Variants in ST8SIA6 observed in about 807,000 individuals in gnomAD.
ST8SIA6 encodes the protein ST8 alpha-N-acetyl-neuraminide alpha-2,8-sialyltransferase 6.
A neutral mutation model predicts 33.6 loss-of-function variants in ST8SIA6; 39 were observed. The observed-to-expected ratio is 1.16, with a 90% CI of 0.90 to 1.52. The LOEUF (loss-of-function observed/expected upper bound fraction) is 1.52. Ranked by LOEUF, ST8SIA6 falls within the 40% of genes most tolerant of loss-of-function variation. ST8SIA6 has a pLI of 0.00. For missense variants in ST8SIA6, 441 were observed against 443.8 expected (o/e 0.99, Z 0.06); for synonymous variants, 172 against 167.2 (o/e 1.03, Z -0.22).
chr10:17,344,189 G>A (rs942712800), intron 4 of ST8SIA6, among the ~76,000 whole-genome samples: 1 of 152,206 alleles, frequency 6.6e-6, no homozygotes, highest in Admixed American at 6.5e-5. Context: ...GATGCACAGA[G>A]GGGGAAAAGT....
At chr10:17,335,746 A>G (rs1848478957) in intron 4 of ST8SIA6, among the ~76,000 whole-genome samples, 1 of 152,318 alleles carries the variant, frequency 6.6e-6, no homozygotes, top group East Asian at 1.9e-4. Context: ...AATTTGTGTG[A>G]CATATTGCAA....
intron 2 of ST8SIA6, among the ~76,000 whole-genome samples, chr10:17,402,145 A>C (rs994173397): frequency 6.6e-6 from 1 of 152,260 alleles, no homozygotes; most frequent in Admixed American, 6.5e-5. Context: ...TCTCAAAAGA[A>C]GACATTTATG....
intron 2 of ST8SIA6, among the ~76,000 whole-genome samples, chr10:17,437,034 T>C (rs1341641814): frequency 6.6e-6 from 1 of 152,228 alleles, no homozygotes; most frequent in African/African-American, 2.4e-5. Flanking sequence ...ACTCCCAACC[T>C]TCTCTTTGTT....
intron 2 of ST8SIA6, among the ~76,000 whole-genome samples, chr10:17,441,589 G>A (rs950498049): frequency 2.0e-5 from 3 of 152,052 alleles, no homozygotes; most frequent in African/African-American, 4.8e-5. Context: ...GATTACAGGC[G>A]TGCACCACTG....
intron 2 of ST8SIA6, 87 bp downstream of exon 2, chr10:17,453,472 C>G: frequency 9.3e-7 from 1 of 1,073,502 alleles, no homozygotes; most frequent in East Asian, 3.2e-5. Flanking sequence ...CTGCCTACTC[C>G]CAACGAGTCC....
chr10:17,453,417 C>CT, intron 2 of ST8SIA6, 142 bp downstream of exon 2: 1 of 566,622 alleles, frequency 1.8e-6, no homozygotes, highest in Non-Finnish European at 2.6e-6. Flanking sequence ...CCCGCGCCCT[C>CT]TTCAAACACA....
intron 2 of ST8SIA6, among the ~76,000 whole-genome samples, chr10:17,450,886 A>G (rs946084054): frequency 6.6e-6 from 1 of 151,484 alleles, no homozygotes; most frequent in Non-Finnish European, 1.5e-5. Context: ...ATATTTGAAC[A>G]CACACACACA....
chr10:17,330,244 G>T (rs1848252987), intron 5 of ST8SIA6, among the ~76,000 whole-genome samples: 1 of 152,174 alleles, frequency 6.6e-6, no homozygotes, highest in Non-Finnish European at 1.5e-5. Context: ...TGCCAAATGA[G>T]GGTAAAGCAG....
chr10:17,405,884 CAAAAAAA>C (rs10546412), intron 2 of ST8SIA6, among the ~76,000 whole-genome samples: 7,919 of 85,410 alleles, frequency 0.093, 720 homozygotes, highest in African/African-American at 0.26. Context: ...GACTCCATTT[CAAAAAAA>C]AAAAAAAAAA....
intron 3 of ST8SIA6, among the ~76,000 whole-genome samples, chr10:17,372,557 C>T (rs1335944514): frequency 2.0e-5 from 3 of 152,130 alleles, no homozygotes; most frequent in Admixed American, 1.3e-4. Context: ...GAAGAAATAT[C>T]GCAAGAACTA....
intron 2 of ST8SIA6, among the ~76,000 whole-genome samples, chr10:17,421,267 A>G (rs1224640528): frequency 6.6e-6 from 1 of 152,162 alleles, no homozygotes; most frequent in African/African-American, 2.4e-5. Context: ...TTGCAACTGC[A>G]TTAGGATCTA....
chr10:17,356,369 A>G lies in ST8SIA6; in HGVS notation c.377+3145T>C, dbSNP rs576493478. 3.1e-4 allele frequency among the ~76,000 whole-genome samples: 47 copies of G among 151,396 alleles called. No homozygotes were observed. In the East Asian group the frequency reaches 8.1e-3, roughly 26 times the overall value. Reference sequence around the variant, plus strand: ...GTTCTCTTCTATGACAACAAAATGTATTATAGCCCCAGAGGTTTACTTTTT... The same window carrying G: ...GTTCTCTTCTATGACAACAAAATGTGTTATAGCCCCAGAGGTTTACTTTTT... On this transcript the variant is annotated intron_variant, in intron 4 of 7. Coordinates refer to ENST00000377602, the MANE Select transcript of ST8SIA6 (RefSeq NM_001004470.3).
intron 2 of ST8SIA6, among the ~76,000 whole-genome samples, chr10:17,415,834 G>A (rs540474498): frequency 3.5e-5 from 4 of 115,516 alleles, no homozygotes; most frequent in Non-Finnish European, 6.6e-5. Context: ...TTTTGAGACA[G>A]AATCCTGCTC....
intron 3 of ST8SIA6, among the ~76,000 whole-genome samples, chr10:17,382,247 A>G (rs961394755): frequency 7.1e-6 from 1 of 141,020 alleles, no homozygotes; most frequent in African/African-American, 2.6e-5. Context: ...AAGAAGTTTC[A>G]GTGATAATTT....
intron 2 of ST8SIA6, among the ~76,000 whole-genome samples, chr10:17,396,236 A>G (rs74117646): frequency 0.016 from 2,370 of 152,270 alleles, 61 homozygotes; most frequent in African/African-American, 0.053. Flanking sequence ...TCACCTGGCA[A>G]ATCTGCCATA....
chr10:17,392,658 AG>A (rs1209289203), intron 2 of ST8SIA6, among the ~76,000 whole-genome samples: 7 of 152,176 alleles, frequency 4.6e-5, no homozygotes, highest in Non-Finnish European at 1.0e-4. Flanking sequence ...GGGGCAAGAG[AG>A]GAAGTGAAAA....
At chr10:17,350,118 G>A (rs148163123) in intron 4 of ST8SIA6, among the ~76,000 whole-genome samples, 9 of 152,312 alleles carry the variant, frequency 5.9e-5, no homozygotes, top group Non-Finnish European at 1.2e-4. Context: ...TGGTTGGAGC[G>A]ATGTGGCCAA....
chr10:17,421,286 C>T (rs1851774278), intron 2 of ST8SIA6, among the ~76,000 whole-genome samples: 1 of 152,216 alleles, frequency 6.6e-6, no homozygotes, highest in Non-Finnish European at 1.5e-5. Flanking sequence ...TATCTGTCTT[C>T]TCCTGCTGCT....
chr10:17,323,231 A>ACGCACACACACC, intron 6 of ST8SIA6, 74 bp from the exon 7 acceptor site: 3 of 228,882 alleles, frequency 1.3e-5, no homozygotes, highest in Non-Finnish European at 2.2e-5. Context: ...ATATGCGCGC[A>ACGCACACACACC]CACACACACA....
Sources: allele counts gnomAD v4.1 joint callset (sites outside exome capture counted in the v4.1 genomes callset), GRCh38; gene constraint gnomAD v4.1.1; transcripts MANE v1.5; gene names NCBI Gene and HGNC (gene_info 2026-07-23, HGNC 2026-07-21).